Variants in KLHL15 observed in about 807,000 individuals in gnomAD.
KLHL15 encodes kelch-like protein 15.
A neutral mutation model predicts 29.3 loss-of-function variants in KLHL15; 1 was observed. The ratio of observed to expected loss-of-function variants is 0.03; its 90% confidence interval spans 0.01 to 0.16. KLHL15 has a LOEUF of 0.16. Among genes scored for constraint, KLHL15 ranks in the 10% least tolerant of loss-of-function variants. KLHL15 has a pLI of 1.00. For missense variants in KLHL15, 215 were observed against 478.5 expected, an observed-to-expected ratio of 0.45 and a Z score of 5.14; for synonymous variants, 212 against 184.5, an observed-to-expected ratio of 1.15 and a Z score of -1.21.
chrX:24,008,361 C>G lies in KLHL15; in HGVS notation c.-7-1661G>C, dbSNP rs777269033. Reference sequence around the variant, plus strand: ...GTTCAAGCGATTCTTGTGCCTCAGCCTCCCGAGTAGCTGGGACTACAGGCA... The same window carrying G: ...GTTCAAGCGATTCTTGTGCCTCAGCGTCCCGAGTAGCTGGGACTACAGGCA... On this transcript the variant is annotated intron_variant, in intron 2 of 3. Transcript: ENST00000328046. 3.6e-5 allele frequency among the ~76,000 whole-genome samples: 4 copies of G among 111,684 alleles called. No homozygotes were observed. The East Asian group carries it at 1.1e-3, about 31-fold the overall frequency.
chrX:24,015,049 T>C (rs946293697), intron 2 of KLHL15, among the ~76,000 whole-genome samples: 1 of 112,024 alleles, frequency 8.9e-6, no homozygotes, highest in African/African-American at 3.2e-5. Context: ...TAAGCCCAGT[T>C]CGATGTCTGC....
Position 23,988,720 on chromosome X carries a change from G to A in KLHL15, c.1016C>T (p.Pro339Leu), listed in dbSNP as rs1929026842. 4 of 1,211,573 alleles carry A rather than the reference G, an allele frequency of 3.3e-6. No individual in the cohort carries two copies. Among genetic ancestry groups the A allele is most frequent in the Non-Finnish European group, 4.5e-6 (4 of 895,463 alleles). The change falls in exon 4 of 4, where the codon CCG becomes CTG. Residue 339 changes from proline (P) to leucine (L), a missense_variant. Pro to Leu is a moderately conservative substitution (Grantham distance 98). Coordinates refer to ENST00000328046, the MANE Select transcript of KLHL15 (RefSeq NM_030624.3). ...VFLLGGEELG[P>L]DGEFHASSKV... ...GGAAGAAGCATGGAATTCACCATCC[G>A]GGCCCAGCTCTTCCCCGCCTAACAG...
chrX:24,003,311 C>T (rs1205955165), intron 3 of KLHL15, among the ~76,000 whole-genome samples: 7 of 109,530 alleles, frequency 6.4e-5, no homozygotes, highest in African/African-American at 2.3e-4. Context: ...TTTGGGAGGC[C>T]GAGGCAGGCG....
intron 3 of KLHL15, among the ~76,000 whole-genome samples, chrX:24,001,834 GA>G (rs1186241743): frequency 1.3e-5 from 1 of 78,407 alleles, no homozygotes; most frequent in Non-Finnish European, 2.5e-5. Context: ...AAAAGAAGAA[GA>G]AAAAAATATA....
At chrX:24,007,156 T>C (rs1360879741) in intron 2 of KLHL15, among the ~76,000 whole-genome samples, 1 of 110,534 alleles carries the variant, frequency 9.0e-6, no homozygotes, top group Non-Finnish European at 1.9e-5. Context: ...ATAGCACCAC[T>C]GCACTCCAGC....
rs1466007767 is a variant in KLHL15, at chrX:23,983,960, C to T, written c.*3961G>A. 1 of 110,841 alleles carries T rather than the reference C, an allele frequency of 9.0e-6. No homozygotes were observed. Among genetic ancestry groups the T allele is most frequent in the Non-Finnish European group, 1.9e-5 (1 of 52,903 alleles). The allele number at this position is 110,841 out of a possible 1,213,427, so 9.1% of individuals were successfully genotyped here. On this transcript the variant is annotated 3_prime_UTR_variant, in exon 4 of 4. Transcript: ENST00000328046. ...ATTTGACTACTGGCCCAAAATGTAC[C>T]TAAAGGTCAAAATATTTTTCTATAG...
chrX:24,019,211 G>A (rs958572640), intron 2 of KLHL15, among the ~76,000 whole-genome samples: 1 of 111,610 alleles, frequency 9.0e-6, no homozygotes, highest in African/African-American at 3.3e-5. Flanking sequence ...TTTTAGAAAA[G>A]TTATTTTTCA....
chrX:24,020,693 G>A (rs1249458444), intron 2 of KLHL15, among the ~76,000 whole-genome samples: 5 of 111,835 alleles, frequency 4.5e-5, no homozygotes, highest in African/African-American at 1.3e-4. Flanking sequence ...TAGTCCAAGA[G>A]TGATGTCATG....
In KLHL15 at chrX:24,006,694, G is replaced by C. The variant is rs753226200; in HGVS notation, c.-1C>G. The C allele has an allele frequency of 8.6e-7, 1 of 1,158,834 alleles. No homozygotes were observed. The highest frequency in any genetic ancestry group is 1.8e-5 in the African/African-American group (1 of 55,631). On this transcript the variant is annotated 5_prime_UTR_variant, in exon 3 of 4. Transcript: ENST00000328046. ...AGAATCCTTCCACGTCCCCTGCCAT[G>C]AATCACCTGGAAAAAAATCAAAGAC...
intron 3 of KLHL15, among the ~76,000 whole-genome samples, chrX:23,998,616 T>C (rs765245852): frequency 8.9e-6 from 1 of 111,889 alleles, no homozygotes; most frequent in Non-Finnish European, 1.9e-5. Flanking sequence ...TCACAACTTA[T>C]GAGGGATTTT....
intron 3 of KLHL15, among the ~76,000 whole-genome samples, chrX:23,990,040 A>G (rs1929050086): frequency 9.1e-6 from 1 of 110,143 alleles, no homozygotes; most frequent in Non-Finnish European, 1.9e-5. Context: ...GGCCAGGTGC[A>G]GTGGCTCATG....
chrX:24,024,906 G>A lies in KLHL15; in HGVS notation c.-57C>T, dbSNP rs920194883. The A allele has an allele frequency of 3.4e-6, 1 of 297,686 alleles. No individual in the cohort carries two copies. The highest frequency in any genetic ancestry group is 2.0e-4 in the South Asian group (1 of 5,098). 24.5% of individuals were successfully genotyped at this position (297,686 alleles called of 1,213,427 possible). On this transcript the variant is annotated 5_prime_UTR_variant, in exon 2 of 4. Transcript: ENST00000328046. ...AGTGGACGGCAGTCTGCATCAGGAA[G>A]AACCGGGCCAGCGGGCCGATGGGTG...
At chrX:24,025,730 G>C (rs1929919193) in intron 1 of KLHL15, among the ~76,000 whole-genome samples, 1 of 108,504 alleles carries the variant, frequency 9.2e-6, no homozygotes, top group African/African-American at 3.3e-5. Flanking sequence ...GGGGGGAAGG[G>C]GGGGCGGGGA....
intron 1 of KLHL15, among the ~76,000 whole-genome samples, chrX:24,026,867 T>C (rs1336446450): frequency 8.9e-6 from 1 of 112,287 alleles, no homozygotes. Context: ...TTTCTTTCCA[T>C]CTTTTCCAAT....
intron 3 of KLHL15, among the ~76,000 whole-genome samples, chrX:23,993,483 C>A (rs534853590): frequency 1.8e-5 from 2 of 111,304 alleles, no homozygotes; most frequent in South Asian, 7.6e-4. Flanking sequence ...CCTATGACTT[C>A]AGCAAAGTAA....
intron 1 of KLHL15, among the ~76,000 whole-genome samples, chrX:24,026,714 A>G (rs1929942095): frequency 9.0e-6 from 1 of 111,560 alleles, no homozygotes; most frequent in Admixed American, 9.6e-5. Context: ...CACACGGTGT[A>G]CTGTTTTGCT....
chrX:23,991,820 C>CGGT (rs1444318589), intron 3 of KLHL15, among the ~76,000 whole-genome samples: 3 of 111,817 alleles, frequency 2.7e-5, no homozygotes, highest in Non-Finnish European at 5.6e-5. Flanking sequence ...ACCTGGGTGA[C>CGGT]AGAGCAAGAC....
chrX:24,016,565 GT>G (rs1929689973), intron 2 of KLHL15, among the ~76,000 whole-genome samples: 1 of 108,758 alleles, frequency 9.2e-6, no homozygotes, highest in African/African-American at 3.4e-5. Context: ...TAGTCGGGAG[GT>G]TGAGGTGGGA....
At chrX:24,007,597 G>C (rs1440401350) in intron 2 of KLHL15, among the ~76,000 whole-genome samples, 3 of 95,048 alleles carry the variant, frequency 3.2e-5, no homozygotes, top group Non-Finnish European at 6.3e-5. Context: ...ATTTCATATT[G>C]TTCATCAAAT....
Sources: allele counts gnomAD v4.1 joint callset (sites outside exome capture counted in the v4.1 genomes callset), GRCh38; gene constraint gnomAD v4.1.1; transcripts MANE v1.5; gene names NCBI Gene and HGNC (gene_info 2026-07-23, HGNC 2026-07-21).